PRKCH: variants seen among roughly 807,000 people sequenced by gnomAD.
The protein encoded by PRKCH is protein kinase C eta, also known as protein kinase C eta type.
A neutral mutation model predicts 82.5 loss-of-function variants in PRKCH; 28 were observed. That is an observed-to-expected ratio of 0.34 (90% CI 0.25 to 0.47). The LOEUF (loss-of-function observed/expected upper bound fraction) is 0.47, where lower values mean the gene tolerates loss of function less well. Ranked by LOEUF, PRKCH falls within the 20% of genes least tolerant of loss-of-function variation. PRKCH has a pLI of 1.00. For missense variants in PRKCH, 705 were observed against 881.8 expected (o/e 0.80, Z 2.54); for synonymous variants, 322 against 327.4 (o/e 0.98, Z 0.18).
chr14:61,201,148 C>T lies in PRKCH; in HGVS notation c.-19+13480C>T, dbSNP rs775744044. Among the ~76,000 whole-genome samples, 132 of 152,134 alleles carry T rather than the reference C, an allele frequency of 8.7e-4. 1 individual carries two copies. Among genetic ancestry groups the T allele is most frequent in the Middle Eastern group, 3.2e-3 (1 of 316 alleles). On this transcript the variant is annotated intron_variant, in intron 1 of 3. Coordinates refer to the PRKCH transcript ENST00000555185. ...TTGATAACAAGAATTACAACACCTT[C>T]CTAATGGATTCATTCACGTGACCTA... is the stretch of plus-strand genomic sequence containing the variant.
In PRKCH at chr14:61,530,520, C is replaced by T. The variant is rs769125334; in HGVS notation, c.1686C>T (p.Leu562=). The change falls in exon 12 of 14, where the codon CTC becomes CTT. Residue 562 remains leucine (L), a synonymous_variant. Transcript: ENST00000332981. ...TTGAGGCAGAGAACGAAGATGACCT[C>T]TTTGAGGCCATACTGAATGATGAGG... is the stretch of plus-strand genomic sequence containing the variant. The part of the protein sequence containing the change: ...APFEAENEDD[L]FEAILNDEVV... The T allele has an allele frequency of 1.9e-6, 3 of 1,612,346 alleles. No homozygotes were observed. The East Asian group carries it at 6.7e-5, about 36-fold the overall frequency.
intron 1 of PRKCH, among the ~76,000 whole-genome samples, chr14:61,373,264 G>A (rs2046386824): frequency 6.6e-6 from 1 of 151,842 alleles, no homozygotes; most frequent in Non-Finnish European, 1.5e-5. Flanking sequence ...GCATGACTGG[G>A]AGGCCTCAGG....
intron 12 of PRKCH, among the ~76,000 whole-genome samples, chr14:61,536,573 C>T: frequency 1.3e-5 from 2 of 152,138 alleles, no homozygotes; most frequent in East Asian, 1.9e-4. Context: ...TTGTTGAATT[C>T]CCTCTTACCT....
intron 2 of PRKCH, among the ~76,000 whole-genome samples, chr14:61,438,228 C>G (rs1041870412): frequency 2.0e-5 from 3 of 152,178 alleles, no homozygotes. Context: ...ACTCTCTTGT[C>G]TGTCGTCATA....
intron 1 of PRKCH, among the ~76,000 whole-genome samples, chr14:61,225,588 G>A (rs1290492771): frequency 2.0e-5 from 3 of 152,160 alleles, no homozygotes; most frequent in Non-Finnish European, 2.9e-5. Flanking sequence ...CATGGTTCTG[G>A]GAGAAATAGC....
At chr14:61,454,712 T>C (rs1884678719) in intron 7 of PRKCH, among the ~76,000 whole-genome samples, 2 of 152,168 alleles carry the variant, frequency 1.3e-5, no homozygotes, top group African/African-American at 4.8e-5. Context: ...GCAGTGCACA[T>C]GTTTTTGTCA....
intron 1 of PRKCH, among the ~76,000 whole-genome samples, chr14:61,386,458 G>A (rs1566851032): frequency 6.6e-6 from 1 of 152,176 alleles, no homozygotes; most frequent in Non-Finnish European, 1.5e-5. Flanking sequence ...AGTGGAGCAG[G>A]GGTAGATCCA....
At chr14:61,316,387 G>A (rs991506109) in intron 1 of PRKCH, among the ~76,000 whole-genome samples, 7 of 152,142 alleles carry the variant, frequency 4.6e-5, no homozygotes, top group Admixed American at 6.5e-5. Flanking sequence ...AATTTAAAAA[G>A]CATTTTGATA....
chr14:61,536,016 A>G (rs1157671748), intron 12 of PRKCH, among the ~76,000 whole-genome samples: 1 of 152,232 alleles, frequency 6.6e-6, no homozygotes, highest in Non-Finnish European at 1.5e-5. Flanking sequence ...TCTAGCCTGT[A>G]TAGAAAAAGT....
At chr14:61,363,999 T>TA (rs1418047876) in intron 1 of PRKCH, among the ~76,000 whole-genome samples, 1 of 147,364 alleles carries the variant, frequency 6.8e-6, no homozygotes, top group Non-Finnish European at 1.5e-5. Context: ...TGTGTGTATA[T>TA]ATATATTTGT....
At chr14:61,276,784 A>T (rs1160001920) in intron 1 of PRKCH, among the ~76,000 whole-genome samples, 2 of 152,176 alleles carry the variant, frequency 1.3e-5, no homozygotes, top group Non-Finnish European at 2.9e-5. Context: ...TATGACAGGA[A>T]GACGGCAACA....
chr14:61,473,770 A>G (rs1885606990), intron 9 of PRKCH, among the ~76,000 whole-genome samples: 1 of 152,200 alleles, frequency 6.6e-6, no homozygotes, highest in Admixed American at 6.5e-5. Flanking sequence ...AGGTGAGTGG[A>G]TCACCTGAGG....
chr14:61,274,687 G>T (rs1236758610), intron 1 of PRKCH, among the ~76,000 whole-genome samples: 1 of 152,172 alleles, frequency 6.6e-6, no homozygotes, highest in African/African-American at 2.4e-5. Context: ...AGCATCTGAT[G>T]CTATTCTTGG....
chr14:61,452,745 G>A (rs1884569441), intron 6 of PRKCH: 1 of 164,624 alleles, frequency 6.1e-6, no homozygotes, highest in Non-Finnish European at 1.3e-5. Flanking sequence ...GCAGATAGAG[G>A]TTTTTCTTGT....
intron 10 of PRKCH, among the ~76,000 whole-genome samples, chr14:61,501,769 A>G (rs150241636): frequency 8.9e-4 from 135 of 152,292 alleles, no homozygotes; most frequent in Middle Eastern, 3.4e-3. Context: ...GCATATACAT[A>G]AAAAGGACAC....
intron 1 of PRKCH, among the ~76,000 whole-genome samples, chr14:61,350,705 TC>T (rs2140147905): frequency 6.6e-6 from 1 of 152,258 alleles, no homozygotes; most frequent in South Asian, 2.1e-4. Flanking sequence ...TTACCCAGCA[TC>T]CCTGGGGGCA....
intron 1 of PRKCH, among the ~76,000 whole-genome samples, chr14:61,203,549 C>T (rs2044499135): frequency 6.6e-6 from 1 of 152,136 alleles, no homozygotes; most frequent in Admixed American, 6.5e-5. Context: ...TCTCCTGCTT[C>T]CTGGAAAAAA....
At chr14:61,389,378 T>C (rs2046638198) in intron 1 of PRKCH, among the ~76,000 whole-genome samples, 1 of 150,530 alleles carries the variant, frequency 6.6e-6, no homozygotes, top group Non-Finnish European at 1.5e-5. Context: ...TGAGATCATA[T>C]GTGGAGGCTG....
chr14:61,322,621 G>A (rs1439122839), intron 1 of PRKCH, 157 bp downstream of exon 1: 1 of 1,067,258 alleles, frequency 9.4e-7, no homozygotes, highest in Non-Finnish European at 1.3e-6. Context: ...CACTGGTGAC[G>A]CGACCGCGGT....
Sources: allele counts gnomAD v4.1 joint callset (sites outside exome capture counted in the v4.1 genomes callset), GRCh38; gene constraint gnomAD v4.1.1; transcripts MANE v1.5; gene names NCBI Gene and HGNC (gene_info 2026-07-23, HGNC 2026-07-21).